Variants in GGACT observed in about 807,000 individuals in gnomAD.
GGACT encodes gamma-glutamylamine cyclotransferase.
For synonymous variants in GGACT, 118 were observed against 115.3 expected, an observed-to-expected ratio of 1.02 and a Z score of -0.15; for missense variants, 241 against 233.2, an observed-to-expected ratio of 1.03 and a Z score of -0.22.
At chr13:100,569,750 T>C (rs1487791969) in intron 2 of GGACT, among the ~76,000 whole-genome samples, 2 of 152,224 alleles carry the variant, frequency 1.3e-5, no homozygotes, top group Non-Finnish European at 2.9e-5. Flanking sequence ...GGCTGCACAT[T>C]TTCCAAACTT....
chr13:100,588,606 G>A (rs2153018019), intron 1 of GGACT, 135 bp downstream of exon 1: 1 of 151,898 alleles, frequency 6.6e-6, no homozygotes, highest in Admixed American at 6.6e-5. Context: ...TCACCCGCGG[G>A]GACGCCGAGT....
intron 2 of GGACT, among the ~76,000 whole-genome samples, chr13:100,577,534 T>C (rs919329763): frequency 2.0e-5 from 3 of 152,244 alleles, no homozygotes; most frequent in East Asian, 1.9e-4. Context: ...ATTATATTTA[T>C]GTAAAAAACC....
intron 2 of GGACT, among the ~76,000 whole-genome samples, chr13:100,541,262 G>C (rs1031446485): frequency 1.3e-5 from 2 of 152,200 alleles, no homozygotes; most frequent in Non-Finnish European, 2.9e-5. Context: ...TCTGTAGATG[G>C]GCATTTAGGG....
intron 2 of GGACT, chr13:100,540,352 G>A: frequency 1.5e-6 from 1 of 671,934 alleles, no homozygotes; most frequent in African/African-American, 1.8e-5. Flanking sequence ...AGTCTCAGTA[G>A]GTTGTGTCTT....
At chr13:100,580,953 A>G (rs1256153423) in intron 2 of GGACT, among the ~76,000 whole-genome samples, 1 of 152,244 alleles carries the variant, frequency 6.6e-6, no homozygotes, top group Non-Finnish European at 1.5e-5. Context: ...TGTACTGAAC[A>G]AGTAGGCAAA....
intron 1 of GGACT, among the ~76,000 whole-genome samples, chr13:100,584,817 C>T (rs1300840421): frequency 2.6e-5 from 4 of 151,982 alleles, no homozygotes; most frequent in Non-Finnish European, 5.9e-5. Context: ...TGAGAAATAA[C>T]AGCTCTATAT....
intron 2 of GGACT, among the ~76,000 whole-genome samples, chr13:100,556,578 T>C (rs1009889652): frequency 4.6e-5 from 7 of 151,806 alleles, no homozygotes; most frequent in African/African-American, 1.7e-4. Context: ...ACAATCTTAA[T>C]GAAAATCCCA....
intron 2 of GGACT, among the ~76,000 whole-genome samples, chr13:100,546,933 G>A (rs115389805): frequency 0.013 from 2,037 of 152,242 alleles, 38 homozygotes; most frequent in African/African-American, 0.047. Context: ...CATCTGGCAC[G>A]GCCCGGCGCA....
In GGACT at chr13:100,532,230, C is replaced by T; in HGVS notation, c.362G>A (p.Arg121Lys). The T allele has an allele frequency of 6.7e-7, 1 of 1,493,654 alleles. No individual in the cohort carries two copies. Among genetic ancestry groups the T allele is most frequent in the African/African-American group, 1.4e-5 (1 of 71,918 alleles). The allele number at this position is 1,493,654 out of a possible 1,614,324, so 92.5% of individuals were successfully genotyped here. Residue 121 changes from arginine to lysine, a missense_variant, in exon 3 of 3, where the codon AGG becomes AAG. By Grantham distance (26) the Arg-to-Lys change is conservative. Transcript: ENST00000683975. The stretch of plus-strand genomic sequence containing the variant: ...GGCCCACTCCGGCGGGAAGGTGGCC[C>T]TGCTGTACACGAAGCACTGCACCGC... ...PTAVQCFVYS[R>K]ATFPPEWAQL...
At position 100,533,895 on chromosome 13, in the gene GGACT, C is replaced by T. The variant is rs1369791265; in HGVS notation, c.-10-1294G>A. ...CGCTCCGCTGCCCTGTGTGCCCCCG[C>T]CATGAGGTGACAGCCTGTGGGGCGA... is the stretch of plus-strand genomic sequence containing the variant. On this transcript the variant is annotated intron_variant, in intron 2 of 2. Transcript: ENST00000683975. 2 of 152,348 alleles carry T rather than the reference C, an allele frequency of 1.3e-5. 1 individual carries two copies. Among genetic ancestry groups the T allele is most frequent in the African/African-American group, 4.8e-5 (2 of 41,476 alleles). The allele number at this position is 152,348 out of a possible 1,614,324, so 9.4% of individuals were successfully genotyped here.
At chr13:100,540,508 A>C (rs1326660949) in intron 2 of GGACT, among the ~76,000 whole-genome samples, 1 of 151,908 alleles carries the variant, frequency 6.6e-6, no homozygotes. Flanking sequence ...AGTTATTTAG[A>C]TCTTTTCTCT....
At chr13:100,582,781 G>A (rs749565653) in intron 2 of GGACT, among the ~76,000 whole-genome samples, 40 of 152,210 alleles carry the variant, frequency 2.6e-4, no homozygotes, top group Non-Finnish European at 4.3e-4. Context: ...CACCCAGCTA[G>A]TAAGTGGCAG....
At chr13:100,539,524 G>T in intron 2 of GGACT, 1 of 223,494 alleles carries the variant, frequency 4.5e-6, no homozygotes, top group Non-Finnish European at 8.7e-6. Flanking sequence ...TTCTTATATT[G>T]AAACATCCTT....
At position 100,562,755 on chromosome 13, in the gene GGACT, G is replaced by A. The variant is rs1392758544; in HGVS notation, c.-11+21070C>T. 3.4e-5 allele frequency among the ~76,000 whole-genome samples: 5 copies of A among 148,738 alleles called. 1 individual carries two copies. Among genetic ancestry groups the A allele is most frequent in the East Asian group, 3.9e-4 (2 of 5,070 alleles). ...AGGTTGCAGTGAGCTGAGATCACGC[G>A]ACTGCACTCCAGCCTGGGCAACACA... On this transcript the variant is annotated intron_variant, in intron 2 of 2. Coordinates refer to ENST00000683975, the MANE Select transcript of GGACT (RefSeq NM_001195087.2).
At chr13:100,576,178 T>G (rs1011195792) in intron 2 of GGACT, among the ~76,000 whole-genome samples, 2 of 152,222 alleles carry the variant, frequency 1.3e-5, no homozygotes, top group African/African-American at 2.4e-5. Flanking sequence ...GTATATGAAT[T>G]TAATCCAATA....
At chr13:100,580,049 T>C (rs1290795128) in intron 2 of GGACT, 3 of 152,212 alleles carry the variant, frequency 2.0e-5, no homozygotes, top group African/African-American at 7.2e-5. Flanking sequence ...CTAGACCTGA[T>C]GGGTCTGCCT....
At chr13:100,542,944 GA>G (rs1449980110) in intron 2 of GGACT, among the ~76,000 whole-genome samples, 2 of 152,198 alleles carry the variant, frequency 1.3e-5, no homozygotes, top group African/African-American at 4.8e-5. Context: ...AGCAGAACTT[GA>G]AAGTGATTAC....
chr13:100,539,657 T>C (rs1279488165), intron 2 of GGACT: 1 of 518,858 alleles, frequency 1.9e-6, no homozygotes, highest in Non-Finnish European at 3.4e-6. Flanking sequence ...TATTAGTCTG[T>C]AGTTTTCTTT....
intron 2 of GGACT, among the ~76,000 whole-genome samples, chr13:100,549,866 A>T (rs1189323321): frequency 6.6e-6 from 1 of 152,230 alleles, no homozygotes. Context: ...CCATTTTCAC[A>T]CATTTGAAAA....
Sources: gnomAD v4.1 joint callset for allele counts (sites outside exome capture counted in the v4.1 genomes callset) on GRCh38, gnomAD v4.1.1 for gene constraint, MANE v1.5 for transcripts, NCBI Gene and HGNC (gene_info 2026-07-23, HGNC 2026-07-21) for gene names.